FREM3: variants seen among roughly 807,000 people sequenced by gnomAD.
The protein encoded by FREM3 is FRAS1-related extracellular matrix protein 3.
A neutral mutation model predicts 129.1 loss-of-function variants in FREM3; 105 were observed. The observed-to-expected ratio is 0.81, with a 90% confidence interval of 0.69 to 0.96. The LOEUF (loss-of-function observed/expected upper bound fraction) is 0.96. FREM3 is among the 40% of genes least tolerant of loss of function. The pLI is 0.00. For missense variants in FREM3, 2,593 were observed against 2,666.3 expected (o/e 0.97, Z 0.61); for synonymous variants, 1,014 against 1,044.9 (o/e 0.97, Z 0.57).
intron 2 of FREM3, among the ~76,000 whole-genome samples, chr4:143,641,165 T>C (rs1052068269): frequency 6.6e-6 from 1 of 152,134 alleles, no homozygotes; most frequent in African/African-American, 2.4e-5. Flanking sequence ...CAGAAACACT[T>C]ATTTTTCTAA....
chr4:143,661,699 G>T (rs1235819350), intron 2 of FREM3, among the ~76,000 whole-genome samples: 3 of 152,142 alleles, frequency 2.0e-5, no homozygotes, highest in African/African-American at 7.2e-5. Context: ...GTAGAATTCG[G>T]CTGTGAATAC....
intron 5 of FREM3, among the ~76,000 whole-genome samples, chr4:143,617,510 C>T (rs1206382857): frequency 2.0e-5 from 3 of 152,220 alleles, no homozygotes; most frequent in African/African-American, 7.2e-5. Context: ...TTAAAACCAA[C>T]TACAAGGACA....
chr4:143,689,187 A>C (rs986278412), intron 2 of FREM3, among the ~76,000 whole-genome samples: 24 of 152,272 alleles, frequency 1.6e-4, no homozygotes, highest in African/African-American at 4.3e-4. Flanking sequence ...TAAGAAAAAA[A>C]CAAACAATCC....
intron 2 of FREM3, among the ~76,000 whole-genome samples, chr4:143,668,003 G>T (rs1034124712): frequency 2.0e-5 from 3 of 152,166 alleles, no homozygotes; most frequent in Admixed American, 2.0e-4. Context: ...TATAATAAAA[G>T]TTGCTTATTA....
chr4:143,663,824 TTTCA>T (rs1739791306), intron 2 of FREM3, among the ~76,000 whole-genome samples: 1 of 152,134 alleles, frequency 6.6e-6, no homozygotes, highest in Admixed American at 6.6e-5. Context: ...TCTCGCTTCA[TTTCA>T]TTCATTTCAT....
intron 4 of FREM3, among the ~76,000 whole-genome samples, chr4:143,622,645 C>G (rs1195192888): frequency 6.6e-6 from 1 of 152,014 alleles, no homozygotes; most frequent in Non-Finnish European, 1.5e-5. Context: ...ATCTTGACAC[C>G]TTTCGATTCA....
intron 2 of FREM3, among the ~76,000 whole-genome samples, chr4:143,675,312 A>G (rs201010117): frequency 0.077 from 11,660 of 151,866 alleles, 1,042 homozygotes; most frequent in African/African-American, 0.21. Context: ...ACGAAATGAA[A>G]GCAGAAATAA....
At chr4:143,688,478 C>A (rs1319977296) in intron 2 of FREM3, among the ~76,000 whole-genome samples, 7 of 152,038 alleles carry the variant, frequency 4.6e-5, no homozygotes, top group Admixed American at 4.6e-4. Flanking sequence ...CAATGCAATT[C>A]CCATCAAAAT....
chr4:143,607,429 T>A (rs1738686812), intron 6 of FREM3, among the ~76,000 whole-genome samples: 1 of 152,170 alleles, frequency 6.6e-6, no homozygotes, highest in Non-Finnish European at 1.5e-5. Context: ...TTGATTCCCT[T>A]TGTCCTTCAT....
chr4:143,686,055 CAACT>C (rs1380637892), intron 2 of FREM3, among the ~76,000 whole-genome samples: 1 of 151,978 alleles, frequency 6.6e-6, no homozygotes, highest in South Asian at 2.1e-4. Flanking sequence ...ACTTACCAAC[CAACT>C]ATCTGCTGCA....
chr4:143,587,928 C>G (rs1214018199), intron 6 of FREM3, among the ~76,000 whole-genome samples: 2 of 152,208 alleles, frequency 1.3e-5, no homozygotes, highest in Non-Finnish European at 2.9e-5. Flanking sequence ...TTCATTCTGG[C>G]TCACTCTTGT....
At chr4:143,636,157 G>A (rs1413754040) in intron 2 of FREM3, among the ~76,000 whole-genome samples, 2 of 148,032 alleles carry the variant, frequency 1.4e-5, no homozygotes, top group Admixed American at 1.4e-4. Context: ...AGAAAACATT[G>A]TTTTTGTTTT....
intron 2 of FREM3, among the ~76,000 whole-genome samples, chr4:143,672,872 A>G (rs1740023938): frequency 6.6e-6 from 1 of 152,116 alleles, no homozygotes; most frequent in African/African-American, 2.4e-5. Flanking sequence ...CCTTTCTTCC[A>G]GTTGATCAAA....
At chr4:143,630,438 C>A (rs1400811816) in intron 2 of FREM3, among the ~76,000 whole-genome samples, 1 of 152,182 alleles carries the variant, frequency 6.6e-6, no homozygotes. Flanking sequence ...AAAGCACTTT[C>A]TTGTCACATT....
intron 7 of FREM3, among the ~76,000 whole-genome samples, chr4:143,582,582 G>T (rs115926994): frequency 2.2e-4 from 34 of 152,264 alleles, no homozygotes; most frequent in Non-Finnish European, 4.7e-4. Flanking sequence ...ACTAGCGTAA[G>T]AACTCTGGCA....
At chr4:143,635,125 G>A (rs1739212786) in intron 2 of FREM3, among the ~76,000 whole-genome samples, 1 of 152,074 alleles carries the variant, frequency 6.6e-6, no homozygotes, top group African/African-American at 2.4e-5. Context: ...CTTCAATGAG[G>A]GAGACACTGT....
At chr4:143,651,400 G>T (rs1739507241) in intron 2 of FREM3, among the ~76,000 whole-genome samples, 1 of 152,174 alleles carries the variant, frequency 6.6e-6, no homozygotes, top group South Asian at 2.1e-4. Flanking sequence ...CATTACAAAA[G>T]ACCGAAATCC....
chr4:143,613,064 A>G (rs1306419956), intron 5 of FREM3, among the ~76,000 whole-genome samples: 1 of 152,232 alleles, frequency 6.6e-6, no homozygotes, highest in African/African-American at 2.4e-5. Flanking sequence ...CTAAAAAATG[A>G]TAGTGGGCTC....
rs371515298 is a variant in FREM3, at chr4:143,662,927, A to G, written c.5275+30186T>C. 4.0e-5 allele frequency among the ~76,000 whole-genome samples: 6 copies of G among 151,584 alleles called. No individual in the cohort carries two copies. In the East Asian group the frequency reaches 7.7e-4, roughly 20 times the overall value. On this transcript the variant is annotated intron_variant, in intron 2 of 7. Transcript: ENST00000329798. ...CAACCCCTGCCTTTTTTTGTTTTCC[A>G]TTTGCTTGGTAGATCTTCCTCCATC...
Sources: allele counts gnomAD v4.1 joint callset (sites outside exome capture counted in the v4.1 genomes callset), GRCh38; gene constraint gnomAD v4.1.1; transcripts MANE v1.5; gene names NCBI Gene and HGNC (gene_info 2026-07-23, HGNC 2026-07-21).